The following MDFIC variants were observed in gnomAD, a reference collection of about 807,000 sequenced individuals.
MDFIC encodes the protein myoD family inhibitor domain-containing protein.
Under a neutral mutation model 23.2 loss-of-function variants are expected in MDFIC, and 17 were observed. The observed-to-expected ratio is 0.73, with a 90% confidence interval of 0.50 to 1.10. MDFIC has a LOEUF of 1.10. Among genes scored for constraint, MDFIC ranks in the 50% least tolerant of loss-of-function variants. MDFIC has a pLI of 0.00. For synonymous variants in MDFIC, 120 were observed against 115.2 expected (o/e 1.04, Z -0.27); for missense variants, 356 against 316.6 (o/e 1.12, Z -0.95).
Position 114,943,622 on chromosome 7 carries a change from A to G in MDFIC, c.217+1225A>G, listed in dbSNP as rs141448776. On this transcript the variant is annotated intron_variant, in intron 3 of 4. Coordinates refer to ENST00000393486, the MANE Select transcript of MDFIC (RefSeq NM_001166345.3). ...GAATCATATAAACATTATTTCAAGT[A>G]AATATTTATCTGAAAAACATATATT... Among the ~76,000 whole-genome samples, 43 of 152,334 alleles carry G rather than the reference A, an allele frequency of 2.8e-4. No individual in the cohort carries two copies. The East Asian group carries it at 7.9e-3, about 28-fold the overall frequency.
chr7:115,019,512 A>G lies in MDFIC; in HGVS notation c.*3577A>G, dbSNP rs1585127447. The stretch of plus-strand genomic sequence containing the variant: ...CTGCCCAACATAAATAAGACTCGAG[A>G]CTTATTAACATAAATAAGTATCTTG... On this transcript the variant is annotated 3_prime_UTR_variant, in exon 5 of 5. Coordinates refer to ENST00000393486, the MANE Select transcript of MDFIC (RefSeq NM_001166345.3). Among the ~76,000 whole-genome samples, 1 of 152,176 alleles carries G rather than the reference A, an allele frequency of 6.6e-6. No individual in the cohort carries two copies. Among genetic ancestry groups the G allele is most frequent in the South Asian group, 2.1e-4 (1 of 4,810 alleles).
chr7:114,955,130 T>G (rs191671272), intron 3 of MDFIC, among the ~76,000 whole-genome samples: 1 of 152,338 alleles, frequency 6.6e-6, no homozygotes, highest in African/African-American at 2.4e-5. Flanking sequence ...TGTAATTTAT[T>G]TGTGCAATTC....
chr7:114,987,995 T>A (rs1793543218), intron 4 of MDFIC, among the ~76,000 whole-genome samples: 2 of 152,180 alleles, frequency 1.3e-5, no homozygotes, highest in African/African-American at 4.8e-5. Context: ...ATATGTAACT[T>A]AATATTGAAA....
intron 3 of MDFIC, among the ~76,000 whole-genome samples, chr7:114,942,908 CA>C (rs1202732724): frequency 6.6e-6 from 1 of 152,160 alleles, no homozygotes; most frequent in African/African-American, 2.4e-5. Flanking sequence ...GAATGCCCTG[CA>C]ATACCTTGTC....
In MDFIC at chr7:115,015,763, C is replaced by A. The variant is rs148675178; in HGVS notation, c.569C>A (p.Ala190Glu). 6.2e-7 allele frequency: 1 copy of A among 1,614,152 alleles called. No homozygotes were observed. Reference sequence around the variant, plus strand: ...CTTTGCAACATTGTCCTGGGACAAGCGTCATGTGGCATCTGCACCTCAGAA... The same window carrying A: ...CTTTGCAACATTGTCCTGGGACAAGAGTCATGTGGCATCTGCACCTCAGAA... ...LTLCNIVLGQ[A>E]SCGICTSEAC... The change falls in exon 5 of 5, where the codon GCG (alanine) becomes GAG (glutamate). Residue 190 changes from alanine to glutamate, a missense_variant. By Grantham distance (107) the Ala-to-Glu change is moderately radical. Coordinates refer to ENST00000393486, the MANE Select transcript of MDFIC (RefSeq NM_001166345.3).
At chr7:114,965,747 G>A (rs1405734692) in intron 3 of MDFIC, among the ~76,000 whole-genome samples, 1 of 152,088 alleles carries the variant, frequency 6.6e-6, no homozygotes, top group African/African-American at 2.4e-5. Flanking sequence ...ATATTATTAG[G>A]TGCTCAATAA....
At chr7:114,986,593 T>C (rs1398585170) in intron 4 of MDFIC, among the ~76,000 whole-genome samples, 1 of 152,228 alleles carries the variant, frequency 6.6e-6, no homozygotes, top group Non-Finnish European at 1.5e-5. Context: ...GCCTCCACTG[T>C]AATGCATAGA....
At chr7:114,927,984 G>A (rs867992993) in intron 2 of MDFIC, among the ~76,000 whole-genome samples, 57 of 152,138 alleles carry the variant, frequency 3.7e-4, no homozygotes, top group African/African-American at 1.4e-3. Flanking sequence ...GGAAGGACAA[G>A]CTTAATTAGA....
rs17137554 is a variant in MDFIC at position 115,019,483 on chromosome 7, A to T, written c.*3548A>T. Among the ~76,000 whole-genome samples the T allele has an allele frequency of 0.024, 3,703 of 152,170 alleles. 132 individuals are homozygous for T. Among genetic ancestry groups the T allele is most frequent in the African/African-American group, 0.082 (3,414 of 41,514 alleles). ...GATTCTAATGTTATAAACGTCAAAC[A>T]TCACTGCCCAACATAAATAAGACTC... On this transcript the variant is annotated 3_prime_UTR_variant, in exon 5 of 5. Transcript: ENST00000393486.
chr7:114,953,984 C>T (rs561760960), intron 3 of MDFIC, among the ~76,000 whole-genome samples: 23 of 152,274 alleles, frequency 1.5e-4, no homozygotes, highest in African/African-American at 4.1e-4. Flanking sequence ...TGATTTGGAA[C>T]GCATAGACAG....
intron 4 of MDFIC, among the ~76,000 whole-genome samples, chr7:114,984,968 A>G (rs1205068963): frequency 6.6e-6 from 1 of 152,234 alleles, no homozygotes; most frequent in Non-Finnish European, 1.5e-5. Flanking sequence ...TTGAACATAA[A>G]TGCTGAACAA....
intron 2 of MDFIC, among the ~76,000 whole-genome samples, chr7:114,939,294 G>C (rs1289317937): frequency 6.6e-6 from 1 of 152,050 alleles, no homozygotes; most frequent in East Asian, 1.9e-4. Context: ...TCTTGCTTTG[G>C]GCTGGGTGCT....
intron 3 of MDFIC, among the ~76,000 whole-genome samples, chr7:114,957,209 G>A (rs1037032422): frequency 1.3e-5 from 2 of 151,990 alleles, no homozygotes; most frequent in South Asian, 2.1e-4. Flanking sequence ...ATATTACATC[G>A]AAATCAAGGT....
chr7:115,008,169 C>G (rs2594442), intron 4 of MDFIC, among the ~76,000 whole-genome samples: 5 of 151,778 alleles, frequency 3.3e-5, no homozygotes, highest in Admixed American at 1.3e-4. Context: ...GAAAAAATCT[C>G]TGCTATCCTC....
Position 114,922,491 on chromosome 7 carries a change from G to A in MDFIC, c.-253G>A, listed in dbSNP as rs1010442240. On this transcript the variant is annotated 5_prime_UTR_variant, in exon 1 of 5. Coordinates refer to ENST00000393486, the MANE Select transcript of MDFIC (RefSeq NM_001166345.3). ...CGTCTGGGCTGAGCCGGAGGGAGGCGGGAGGACGCGCAGGGGCGGCCGCCG... is the reference window on the plus strand; with the variant it reads ...CGTCTGGGCTGAGCCGGAGGGAGGCAGGAGGACGCGCAGGGGCGGCCGCCG... 1 of 1,254,382 alleles carries A rather than the reference G, an allele frequency of 8.0e-7. No homozygotes were observed. Among genetic ancestry groups the A allele is most frequent in the East Asian group, 3.1e-5 (1 of 32,092 alleles). The allele number at this position is 1,254,382 out of a possible 1,614,324, so 77.7% of individuals were successfully genotyped here.
In MDFIC at chr7:114,979,705, G is replaced by C. The variant is rs1478719193; in HGVS notation, c.417G>C (p.Leu139Phe). 3 of 1,614,114 alleles carry C rather than the reference G, an allele frequency of 1.9e-6. No homozygotes were observed. The change falls in exon 4 of 5, where the codon TTG becomes TTC. Residue 139 changes from leucine to phenylalanine, a missense_variant. Transcript: ENST00000393486. The stretch of plus-strand genomic sequence containing the variant: ...TGCATAGAAAAATTCAGTCCAGCTT[G>C]TCTGTAAACAGCGATATCAGTAAGA... Reference protein sequence around the residue: ...QKMHRKIQSSLSVNSDISKKS... With the variant: ...QKMHRKIQSSFSVNSDISKKS...
chr7:114,922,516 G>A lies in MDFIC; in HGVS notation c.-228G>A, dbSNP rs967309685. The stretch of plus-strand genomic sequence containing the variant: ...GGGAGGACGCGCAGGGGCGGCCGCC[G>A]CCGTCGTCAGGCCACCGGGGCGAAA... On this transcript the variant is annotated 5_prime_UTR_variant, in exon 1 of 5. Transcript: ENST00000393486. The A allele has an allele frequency of 7.1e-6, 9 of 1,259,102 alleles. No individual in the cohort carries two copies. The highest frequency in any genetic ancestry group is 6.2e-5 in the African/African-American group (4 of 64,876). 78.0% of individuals were successfully genotyped at this position (1,259,102 alleles called of 1,614,324 possible). A position where few individuals can be genotyped will look rare whatever the true frequency, so the allele number is the denominator to read the frequency against.
intron 3 of MDFIC, among the ~76,000 whole-genome samples, chr7:114,961,794 G>GC (rs907968392): frequency 2.0e-5 from 3 of 151,942 alleles, no homozygotes; most frequent in African/African-American, 7.3e-5. Flanking sequence ...GGGGAAATTT[G>GC]CCCCCATGAT....
chr7:114,940,971 T>C (rs547448321), intron 2 of MDFIC, among the ~76,000 whole-genome samples: 7 of 151,950 alleles, frequency 4.6e-5, no homozygotes, highest in East Asian at 2.0e-4. Flanking sequence ...ATATGGGCTT[T>C]GCTAGGTCTC....
Sources: allele counts gnomAD v4.1 joint callset (sites outside exome capture counted in the v4.1 genomes callset), GRCh38; gene constraint gnomAD v4.1.1; transcripts MANE v1.5; gene names NCBI Gene and HGNC (gene_info 2026-07-23, HGNC 2026-07-21).